FSIP1: variants seen among roughly 807,000 people sequenced by gnomAD.
FSIP1 encodes fibrous sheath-interacting protein 1.
In FSIP1, 65 loss-of-function variants were observed where a neutral mutation model predicts 60.9. The observed-to-expected ratio is 1.07, with a 90% CI of 0.87 to 1.31. The LOEUF (loss-of-function observed/expected upper bound fraction) is 1.31. Ranked by LOEUF, FSIP1 falls within the 40% of genes most tolerant of loss-of-function variation. FSIP1 has a pLI of 0.00. For synonymous variants in FSIP1, 209 were observed against 221.2 expected (o/e 0.94, Z 0.49); for missense variants, 675 against 665.5 (o/e 1.01, Z -0.16).
intron 10 of FSIP1, among the ~76,000 whole-genome samples, chr15:39,709,506 T>C (rs1895410289): frequency 6.6e-6 from 1 of 152,242 alleles, no homozygotes; most frequent in African/African-American, 2.4e-5. Flanking sequence ...TTTTAGATAC[T>C]ATATATTACA....
At chr15:39,781,260 T>C (rs1301109246) in intron 1 of FSIP1, among the ~76,000 whole-genome samples, 2 of 152,118 alleles carry the variant, frequency 1.3e-5, no homozygotes, top group Non-Finnish European at 2.9e-5. Flanking sequence ...AAAATCACAA[T>C]GAGATACCAC....
chr15:39,644,677 C>G (rs941919958), intron 10 of FSIP1, among the ~76,000 whole-genome samples: 3 of 151,568 alleles, frequency 2.0e-5, no homozygotes, highest in Non-Finnish European at 4.4e-5. Context: ...ACACAATGTT[C>G]AAAAGCACTT....
At chr15:39,648,816 C>A (rs1892741330) in intron 10 of FSIP1, among the ~76,000 whole-genome samples, 1 of 152,116 alleles carries the variant, frequency 6.6e-6, no homozygotes, top group Non-Finnish European at 1.5e-5. Flanking sequence ...TTAAAGATGA[C>A]CCCTTCAAAT....
intron 7 of FSIP1, among the ~76,000 whole-genome samples, chr15:39,739,180 A>T (rs1896718657): frequency 6.6e-6 from 1 of 152,206 alleles, no homozygotes; most frequent in Non-Finnish European, 1.5e-5. Context: ...GCCAGTGACC[A>T]GCTGCTGGGA....
chr15:39,662,738 T>C (rs2411308), intron 10 of FSIP1, among the ~76,000 whole-genome samples: 118,627 of 150,964 alleles, frequency 0.79, 47,511 homozygotes, highest in Non-Finnish European at 0.87. Flanking sequence ...AAAAAGACTA[T>C]AATTAATGCT....
At chr15:39,702,564 C>A (rs931725515) in intron 10 of FSIP1, among the ~76,000 whole-genome samples, 4 of 148,712 alleles carry the variant, frequency 2.7e-5, no homozygotes, top group Non-Finnish European at 5.9e-5. Flanking sequence ...TGTAAACAGT[C>A]CCATGTGGCA....
intron 10 of FSIP1, among the ~76,000 whole-genome samples, chr15:39,625,019 C>T (rs1015607426): frequency 1.3e-5 from 2 of 152,150 alleles, no homozygotes; most frequent in South Asian, 2.1e-4. Context: ...AGGTCATGAA[C>T]GTTGTGGTGG....
At chr15:39,689,622 C>T (rs1254676769) in intron 10 of FSIP1, among the ~76,000 whole-genome samples, 1 of 152,140 alleles carries the variant, frequency 6.6e-6, no homozygotes, top group African/African-American at 2.4e-5. Context: ...TCCTATCACC[C>T]CTCTCACTCA....
chr15:39,706,656 T>C (rs1895283322), intron 10 of FSIP1, among the ~76,000 whole-genome samples: 1 of 152,184 alleles, frequency 6.6e-6, no homozygotes, highest in African/African-American at 2.4e-5. Flanking sequence ...AAGAATAATA[T>C]AAAAATCACC....
At chr15:39,638,304 C>A (rs1892218115) in intron 10 of FSIP1, among the ~76,000 whole-genome samples, 2 of 152,188 alleles carry the variant, frequency 1.3e-5, no homozygotes, top group African/African-American at 4.8e-5. Context: ...CATGTTAAAG[C>A]AATCTGCCCT....
At chr15:39,639,560 C>T (rs1436334702) in intron 10 of FSIP1, among the ~76,000 whole-genome samples, 1 of 152,218 alleles carries the variant, frequency 6.6e-6, no homozygotes, top group Non-Finnish European at 1.5e-5. Flanking sequence ...TGTATAGGAA[C>T]TCTGCAACAC....
chr15:39,745,069 G>T (rs1021250572), intron 5 of FSIP1, among the ~76,000 whole-genome samples: 1 of 151,780 alleles, frequency 6.6e-6, no homozygotes, highest in African/African-American at 2.4e-5. Context: ...TGAGAGAACA[G>T]CAAGGACCAG....
intron 10 of FSIP1, among the ~76,000 whole-genome samples, chr15:39,660,109 A>G (rs1893238325): frequency 6.6e-6 from 1 of 152,178 alleles, no homozygotes; most frequent in Admixed American, 6.5e-5. Flanking sequence ...GAGAGAGGAA[A>G]GAGAGAAGGA....
chr15:39,755,582 C>A (rs556808417), intron 5 of FSIP1, among the ~76,000 whole-genome samples: 1 of 152,234 alleles, frequency 6.6e-6, no homozygotes, highest in South Asian at 2.1e-4. Flanking sequence ...CTGTGTCAGT[C>A]AGCACAGTTA....
At chr15:39,683,531 C>G (rs1274384683) in intron 10 of FSIP1, among the ~76,000 whole-genome samples, 10 of 152,072 alleles carry the variant, frequency 6.6e-5, no homozygotes, top group Admixed American at 1.3e-4. Context: ...AATGTCCACT[C>G]CCACCACACC....
At position 39,618,057 on chromosome 15, in the gene FSIP1, CT is replaced by C; in HGVS notation, c.1376del (p.Lys459ArgfsTer7). On this transcript the variant is annotated frameshift_variant, in exon 11 of 12. Coordinates refer to ENST00000350221, the MANE Select transcript of FSIP1 (RefSeq NM_152597.5). LOFTEE classifies it high-confidence loss of function. ...CATCTTCTACCTCAGTTTTCTGGAC[CT>C]TTGTTTCTGATTCATTTAGCAATTT... is the stretch of plus-strand genomic sequence containing the variant. Reference protein sequence around the residue: ...ISKLLNESETKVQKTEVEDAD... With the variant: ...ISKLLNESETXVQKTEVEDAD... The C allele has an allele frequency of 1.2e-6, 2 of 1,614,096 alleles. No individual in the cohort carries two copies. The highest frequency in any genetic ancestry group is 1.7e-6 in the Non-Finnish European group (2 of 1,179,992).
chr15:39,669,157 C>T (rs114442494), intron 10 of FSIP1, among the ~76,000 whole-genome samples: 36 of 152,264 alleles, frequency 2.4e-4, no homozygotes, highest in African/African-American at 7.7e-4. Flanking sequence ...CTGCAGAGTG[C>T]TGCTTGCCTG....
intron 10 of FSIP1, among the ~76,000 whole-genome samples, chr15:39,640,962 A>T (rs931207869): frequency 6.6e-6 from 1 of 152,204 alleles, no homozygotes; most frequent in East Asian, 1.9e-4. Flanking sequence ...GCTAGGTTAC[A>T]GTTCACCACA....
rs1491090328 is a variant in FSIP1, at chr15:39,687,136, C to CTTTTTTTTTTTTTTTTTTTTT, written c.1188+26307_1188+26308insAAAAAAAAAAAAAAAAAAAAA. Among the ~76,000 whole-genome samples, 31 of 47,734 alleles carry CTTTTTTTTTTTTTTTTTTTTT rather than the reference C, an allele frequency of 6.5e-4. 10 individuals are homozygous for CTTTTTTTTTTTTTTTTTTTTT. Among genetic ancestry groups the CTTTTTTTTTTTTTTTTTTTTT allele is most frequent in the African/African-American group, 1.1e-3 (13 of 11,506 alleles). The allele number at this position is 47,734 out of a possible 152,430, so 31.3% of individuals were successfully genotyped here. On this transcript the variant is annotated intron_variant, in intron 10 of 11. Transcript: ENST00000350221. ...CACCTTTCTTTCTTTCTTTTCTTTTCCTTTTTTTTTTTTTTTTTTTTTTTT... is the reference window on the plus strand; with the variant it reads ...CACCTTTCTTTCTTTCTTTTCTTTTCTTTTTTTTTTTTTTTTTTTTTCTTTTTTTTTTTTTTTTTTTTTTTT...
Sources: gnomAD v4.1 joint callset for allele counts (sites outside exome capture counted in the v4.1 genomes callset) on GRCh38, gnomAD v4.1.1 for gene constraint, MANE v1.5 for transcripts, NCBI Gene and HGNC (gene_info 2026-07-23, HGNC 2026-07-21) for gene names.